Variants in ITSN2 observed in about 807,000 individuals in gnomAD.
The protein encoded by ITSN2 is intersectin-2.
In ITSN2, 156 loss-of-function variants were observed where a neutral mutation model predicts 243.7. The observed-to-expected ratio is 0.64, with a 90% CI of 0.56 to 0.73. The LOEUF is 0.73. Among genes scored for constraint, ITSN2 ranks in the 30% least tolerant of loss-of-function variants. The pLI, the probability that ITSN2 is intolerant of heterozygous loss-of-function variation, is 0.00. For missense variants in ITSN2, 1,801 were observed against 1,996.1 expected (o/e 0.90, Z 1.86); for synonymous variants, 703 against 699.9 (o/e 1.00, Z -0.07).
intron 1 of ITSN2, among the ~76,000 whole-genome samples, 182 bp downstream of exon 1, chr2:24,360,122 C>T (rs1404412018): frequency 1.3e-5 from 2 of 152,050 alleles, no homozygotes; most frequent in Non-Finnish European, 2.9e-5. Context: ...CGGAGGTTTC[C>T]GCCCCGCACG....
chr2:24,220,700 G>A (rs540196728), intron 30 of ITSN2: 113 of 1,305,758 alleles, frequency 8.7e-5, no homozygotes, highest in African/African-American at 3.2e-4. Context: ...TTGTTCTCCC[G>A]CTTCACTCTG....
At chr2:24,310,447 T>C (rs1049055396) in intron 6 of ITSN2, 42 bp downstream of exon 6, 2 of 1,609,378 alleles carry the variant, frequency 1.2e-6, no homozygotes, top group Non-Finnish European at 1.7e-6. Flanking sequence ...ATAGTTTCTT[T>C]CTTTACATGA....
At chr2:24,210,148 G>T in intron 34 of ITSN2, 115 bp from the exon 35 acceptor site, 1 of 699,558 alleles carries the variant, frequency 1.4e-6, no homozygotes, top group Non-Finnish European at 2.5e-6. Flanking sequence ...AGGTGGGAAT[G>T]TGGCTAGAAT....
At position 24,308,669 on chromosome 2, in the gene ITSN2, T is replaced by C; in HGVS notation, c.741A>G (p.Lys247=). The part of the protein sequence containing the change: ...EWAVPQPTRL[K]YRQKFNTLDK... ...CAAGAGTATTAAATTTTTGCCGATA[T>C]TTTAATCTTGTAGGCTGAGGAACTG... Residue 247 remains lysine (K), a synonymous_variant, in exon 8 of 40, where the codon AAA becomes AAG. Coordinates refer to ENST00000355123, the MANE Select transcript of ITSN2 (RefSeq NM_006277.3). The C allele has an allele frequency of 6.5e-7, 1 of 1,537,770 alleles. No homozygotes were observed. The highest frequency in any genetic ancestry group is 8.8e-7 in the Non-Finnish European group (1 of 1,136,492).
At chr2:24,283,527 A>G (rs1299734023) in intron 17 of ITSN2, among the ~76,000 whole-genome samples, 2 of 152,216 alleles carry the variant, frequency 1.3e-5, no homozygotes, top group Non-Finnish European at 2.9e-5. Flanking sequence ...CGCCTGGCCA[A>G]TATTTTTTAG....
At chr2:24,332,461 AG>A (rs1410117320) in intron 1 of ITSN2, among the ~76,000 whole-genome samples, 1 of 152,230 alleles carries the variant, frequency 6.6e-6, no homozygotes, top group African/African-American at 2.4e-5. Flanking sequence ...ACTGGCAATA[AG>A]GGCAAATCCC....
chr2:24,357,410 A>T (rs1482064233), intron 1 of ITSN2, among the ~76,000 whole-genome samples: 3 of 152,134 alleles, frequency 2.0e-5, no homozygotes, highest in Non-Finnish European at 4.4e-5. Context: ...CTCACTCATA[A>T]GTGGGAGTTG....
At chr2:24,317,699 T>C (rs116765279) in intron 2 of ITSN2, among the ~76,000 whole-genome samples, 58 of 152,342 alleles carry the variant, frequency 3.8e-4, no homozygotes, top group Non-Finnish European at 6.6e-4. Context: ...CAACTGCTAA[T>C]TGAATTGTCT....
intron 1 of ITSN2, among the ~76,000 whole-genome samples, chr2:24,345,859 G>A (rs1321776978): frequency 6.6e-6 from 1 of 152,108 alleles, no homozygotes; most frequent in African/African-American, 2.4e-5. Context: ...TTTATGACTA[G>A]TGAGTGTCTT....
intron 37 of ITSN2, 92 bp downstream of exon 37, chr2:24,208,145 C>T (rs1298367381): frequency 6.4e-6 from 7 of 1,100,558 alleles, no homozygotes; most frequent in East Asian, 2.3e-5. Flanking sequence ...CTTTCAGACC[C>T]GTCCCTATAT....
At chr2:24,226,871 T>C (rs1671079842) in intron 29 of ITSN2, among the ~76,000 whole-genome samples, 2 of 152,194 alleles carry the variant, frequency 1.3e-5, no homozygotes, top group Admixed American at 6.5e-5. Flanking sequence ...AAAAAGAACT[T>C]CCTAATCTCC....
chr2:24,235,021 T>G (rs1294568293), intron 29 of ITSN2, among the ~76,000 whole-genome samples: 1 of 152,230 alleles, frequency 6.6e-6, no homozygotes, highest in Non-Finnish European at 1.5e-5. Flanking sequence ...TGAAAACTTA[T>G]GTCCACAAAA....
intron 1 of ITSN2, among the ~76,000 whole-genome samples, chr2:24,345,071 T>G (rs1440550004): frequency 6.6e-6 from 1 of 152,208 alleles, no homozygotes; most frequent in Non-Finnish European, 1.5e-5. Context: ...TTATGACATT[T>G]TACATTTTTG....
At chr2:24,206,155 T>C (rs529510832) in intron 37 of ITSN2, 11 of 346,108 alleles carry the variant, frequency 3.2e-5, no homozygotes, top group African/African-American at 2.2e-4. Context: ...ATATGCGTTA[T>C]GAAATGATCA....
At chr2:24,207,989 T>TG (rs1028372146) in intron 37 of ITSN2, among the ~76,000 whole-genome samples, 6 of 148,672 alleles carry the variant, frequency 4.0e-5, no homozygotes, top group African/African-American at 1.0e-4. Context: ...TGCAGTGGAG[T>TG]GGGGGGGATA....
intron 15 of ITSN2, among the ~76,000 whole-genome samples, chr2:24,288,617 A>AC (rs1258889638): frequency 6.6e-6 from 1 of 152,180 alleles, no homozygotes; most frequent in East Asian, 1.9e-4. Context: ...TAAAATGGCT[A>AC]AATTCAGCTA....
At chr2:24,333,713 T>C (rs1686032499) in intron 1 of ITSN2, among the ~76,000 whole-genome samples, 1 of 152,206 alleles carries the variant, frequency 6.6e-6, no homozygotes, top group Non-Finnish European at 1.5e-5. Context: ...CAGTTGCCAT[T>C]TGGAGTAATT....
chr2:24,329,073 A>G (rs1331847066), intron 1 of ITSN2, among the ~76,000 whole-genome samples: 1 of 152,166 alleles, frequency 6.6e-6, no homozygotes, highest in Non-Finnish European at 1.5e-5. Flanking sequence ...TTGCAGAAGT[A>G]TTTTTTAAAG....
At chr2:24,242,949 A>C (rs1443414130) in intron 29 of ITSN2, among the ~76,000 whole-genome samples, 1 of 152,202 alleles carries the variant, frequency 6.6e-6, no homozygotes, top group Non-Finnish European at 1.5e-5. Flanking sequence ...GAGAAATTCG[A>C]AACTACTCTT....
Sources: gnomAD v4.1 joint callset for allele counts (sites outside exome capture counted in the v4.1 genomes callset) on GRCh38, gnomAD v4.1.1 for gene constraint, MANE v1.5 for transcripts, NCBI Gene and HGNC (gene_info 2026-07-23, HGNC 2026-07-21) for gene names.